The following PARP2 variants were observed in gnomAD, a reference collection of about 807,000 sequenced individuals.
PARP2 encodes the protein poly [ADP-ribose] polymerase 2.
In PARP2, 57 loss-of-function variants were observed where a neutral mutation model predicts 77.8. The ratio of observed to expected loss-of-function variants is 0.73; its 90% confidence interval spans 0.59 to 0.91. The LOEUF (loss-of-function observed/expected upper bound fraction) is 0.91. PARP2 is among the 40% of genes least tolerant of loss of function. The pLI is 0.00. For synonymous variants in PARP2, 226 were observed against 242.6 expected (o/e 0.93, Z 0.64); for missense variants, 651 against 689.0 (o/e 0.94, Z 0.62).
At chr14:20,349,884 C>T (rs900078424) in intron 4 of PARP2, among the ~76,000 whole-genome samples, 4 of 152,200 alleles carry the variant, frequency 2.6e-5, no homozygotes, top group African/African-American at 7.2e-5. Flanking sequence ...ATGGACTTCT[C>T]TCTCTTCACT....
In PARP2 at chr14:20,353,998, C is replaced by T. The variant is rs3093920; in HGVS notation, c.601-87C>T. On this transcript the variant is annotated intron_variant, in intron 7 of 15. Coordinates refer to ENST00000429687, the MANE Select transcript of PARP2 (RefSeq NM_001042618.2). Reference sequence around the variant, plus strand: ...AGTGCAATATAAAAACTTTACAAAGCATTTACATTGTATAATATTGGGTGT... The same window carrying T: ...AGTGCAATATAAAAACTTTACAAAGTATTTACATTGTATAATATTGGGTGT... 263 of 1,073,756 alleles carry T rather than the reference C, an allele frequency of 2.4e-4. 5 individuals are homozygous for T. In the South Asian group the frequency reaches 3.6e-3, roughly 15 times the overall value. 66.5% of individuals were successfully genotyped at this position (1,073,756 alleles called of 1,614,324 possible).
chr14:20,343,637 A>C lies in PARP2; in HGVS notation c.-5A>C, dbSNP rs1011670917. 1 of 1,609,948 alleles carries C rather than the reference A, an allele frequency of 6.2e-7. No homozygotes were observed. Among genetic ancestry groups the C allele is most frequent in the Non-Finnish European group, 8.5e-7 (1 of 1,178,874 alleles). On this transcript the variant is annotated 5_prime_UTR_variant, in exon 1 of 16. Coordinates refer to ENST00000429687, the MANE Select transcript of PARP2 (RefSeq NM_001042618.2). ...GCGGGTTGATGACGTCAGCGTTCGA[A>C]TTCCATGGCGGCGCGGCGGCGACGG... is the stretch of plus-strand genomic sequence containing the variant.
At chr14:20,356,221 C>T (rs894798395) in intron 11 of PARP2, 86 bp from the exon 12 acceptor site, 3 of 1,518,100 alleles carry the variant, frequency 2.0e-6, no homozygotes, top group African/African-American at 2.8e-5. Flanking sequence ...AAAGGTCTGC[C>T]AAGTTATATC....
intron 9 of PARP2, chr14:20,355,332 T>C (rs1288779721): frequency 5.4e-6 from 1 of 184,892 alleles, no homozygotes; most frequent in African/African-American, 2.4e-5. Context: ...TTACATTTGT[T>C]GATTCTGTTT....
chr14:20,345,493 C>T, intron 3 of PARP2, 29 bp downstream of exon 3: 1 of 1,528,226 alleles, frequency 6.5e-7, no homozygotes, highest in Non-Finnish European at 9.1e-7. Flanking sequence ...GATCTTCAGT[C>T]CATGGATATC....
intron 7 of PARP2, 67 bp from the exon 8 acceptor site, chr14:20,354,018 G>C: frequency 8.3e-7 from 1 of 1,199,504 alleles, no homozygotes; most frequent in Admixed American, 1.8e-5. Flanking sequence ...GTATAATATT[G>C]GGTGTTATAA....
chr14:20,357,542 G>T, intron 15 of PARP2, 22 bp downstream of exon 15: 1 of 1,603,426 alleles, frequency 6.2e-7, no homozygotes, highest in East Asian at 2.2e-5. Context: ...GAACCAGGAG[G>T]ACTAGAAGAC....
chr14:20,351,220 C>A, intron 6 of PARP2, 98 bp downstream of exon 6: 1 of 787,616 alleles, frequency 1.3e-6, no homozygotes, highest in Non-Finnish European at 2.1e-6. Flanking sequence ...CTCTTGTTGC[C>A]CAGGCTGGAG....
rs1883657438 is a variant in PARP2 at position 20,344,982 on chromosome 14, T to G, written c.97T>G (p.Ser33Ala). ...VNNGNTAPED[S>A]SPAKKTRRCQ... ...TAATGGCAACACGGCTCCAGAAGAC[T>G]CTTCCCCTGCCAAGAAAACTCGTAG... is the stretch of plus-strand genomic sequence containing the variant. Residue 33 changes from serine to alanine, a missense_variant, in exon 2 of 16, where the codon TCT becomes GCT. Physicochemically the swap from Ser to Ala is moderately conservative, Grantham distance 99. Coordinates refer to ENST00000429687, the MANE Select transcript of PARP2 (RefSeq NM_001042618.2). 1.2e-6 allele frequency: 2 copies of G among 1,614,084 alleles called. No individual in the cohort carries two copies. The highest frequency in any genetic ancestry group is 1.7e-6 in the Non-Finnish European group (2 of 1,179,974).
In PARP2 at chr14:20,357,500, T is replaced by G; in HGVS notation, c.1533T>G (p.Ser511Arg). Residue 511 changes from serine to arginine, a missense_variant, in exon 15 of 16, where the codon AGT becomes AGG. Physicochemically the swap from Ser to Arg is moderately radical, Grantham distance 110 (BLOSUM62 -1). Transcript: ENST00000429687. ...STKGLGKMAP[S>R]SAHFVTLNGS... ...AGGGGCTGGGCAAGATGGCTCCCAG[T>G]TCTGCCCACTTCGTCACCCTGTAAG... is the stretch of plus-strand genomic sequence containing the variant. 1 of 1,612,028 alleles carries G rather than the reference T, an allele frequency of 6.2e-7. No individual in the cohort carries two copies. Among genetic ancestry groups the G allele is most frequent in the Non-Finnish European group, 8.5e-7 (1 of 1,179,344 alleles).
At chr14:20,345,214 G>A in intron 2 of PARP2, 127 bp downstream of exon 2, 1 of 1,139,350 alleles carries the variant, frequency 8.8e-7, no homozygotes, top group Non-Finnish European at 1.3e-6. Flanking sequence ...CTATCCTTTG[G>A]GCATACCACA....
chr14:20,344,806 C>A, intron 1 of PARP2, 126 bp from the exon 2 acceptor site: 1 of 694,618 alleles, frequency 1.4e-6, no homozygotes, highest in Non-Finnish European at 2.5e-6. Flanking sequence ...GAGTGAGACT[C>A]CACCTCAAAA....
At chr14:20,349,534 A>T (rs1467474445) in intron 4 of PARP2, among the ~76,000 whole-genome samples, 3 of 151,780 alleles carry the variant, frequency 2.0e-5, no homozygotes, top group Admixed American at 6.6e-5. Flanking sequence ...TTAGTCTGGC[A>T]TGGTGGCGTG....
At chr14:20,357,304 G>A in intron 14 of PARP2, 92 bp from the exon 15 acceptor site, 2 of 1,441,730 alleles carry the variant, frequency 1.4e-6, no homozygotes, top group South Asian at 2.5e-5. Context: ...GCTGGAGTAG[G>A]GGAAAAAAGT....
At position 20,350,632 on chromosome 14, in the gene PARP2, T is replaced by C. The variant is rs1883922014; in HGVS notation, c.421+10T>C. 4 of 1,545,696 alleles carry C rather than the reference T, an allele frequency of 2.6e-6. No individual in the cohort carries two copies. The highest frequency in any genetic ancestry group is 3.6e-6 in the Non-Finnish European group (4 of 1,118,124). ...ATGAGATGGGGCCGAGGTAATGATT[T>C]TTATTGAGATTTTATGAGTTGGCAT... is the stretch of plus-strand genomic sequence containing the variant. On this transcript the variant is annotated intron_variant, in intron 5 of 15. Transcript: ENST00000429687.
Position 20,357,104 on chromosome 14 carries a change from C to T in PARP2, c.1383C>T (p.Cys461=), listed in dbSNP as rs1247722145. 1 of 1,613,298 alleles carries T rather than the reference C, an allele frequency of 6.2e-7. No individual in the cohort carries two copies. Among genetic ancestry groups the T allele is most frequent in the South Asian group, 1.1e-5 (1 of 91,062 alleles). ...TGTCTTCCAAGAGTGCCAATTACTG[C>T]TTTGCCTCTCGCCTAAAGAATACAG... ...ADMSSKSANY[C]FASRLKNTGL... Residue 461 remains cysteine (C), a synonymous_variant, in exon 14 of 16, where the codon TGC becomes TGT. Coordinates refer to ENST00000429687, the MANE Select transcript of PARP2 (RefSeq NM_001042618.2).
intron 4 of PARP2, among the ~76,000 whole-genome samples, chr14:20,350,008 C>T (rs1348972346): frequency 6.6e-6 from 1 of 152,180 alleles, no homozygotes; most frequent in African/African-American, 2.4e-5. Flanking sequence ...TTTTGCGTAT[C>T]CCTTGTCCCC....
In PARP2 at chr14:20,345,096, G is replaced by GGAA; in HGVS notation, c.202+11_202+13dup. 6.2e-7 allele frequency: 1 copy of GGAA among 1,614,092 alleles called. No homozygotes were observed. Among genetic ancestry groups the GGAA allele is most frequent in the South Asian group, 1.1e-5 (1 of 91,080 alleles). ...AGAAGACAAGCAAGATGGTATGCCA[G>GGAA]GAAGGTCATGGGCCAGCAAAAGGGT... On this transcript the variant is annotated intron_variant, in intron 2 of 15. Transcript: ENST00000429687.
chr14:20,345,336 T>C, intron 2 of PARP2, 58 bp from the exon 3 acceptor site: 1 of 1,466,416 alleles, frequency 6.8e-7, no homozygotes, highest in Non-Finnish European at 9.5e-7. Flanking sequence ...AAGTTTCTGT[T>C]TTACCACAAC....
Sources: gnomAD v4.1 joint callset for allele counts (sites outside exome capture counted in the v4.1 genomes callset) on GRCh38, gnomAD v4.1.1 for gene constraint, MANE v1.5 for transcripts, NCBI Gene and HGNC (gene_info 2026-07-23, HGNC 2026-07-21) for gene names.